The following GNPTAB variants were observed in gnomAD, a reference collection of about 807,000 sequenced individuals.
GNPTAB encodes N-acetylglucosamine-1-phosphate transferase subunits alpha and beta.
Under a neutral mutation model 136.6 loss-of-function variants are expected in GNPTAB, and 92 were observed. The ratio of observed to expected loss-of-function variants is 0.67; its 90% CI spans 0.57 to 0.80. The LOEUF (loss-of-function observed/expected upper bound fraction) is 0.80, where lower values mean the gene tolerates loss of function less well. Among genes scored for constraint, GNPTAB ranks in the 30% least tolerant of loss-of-function variants. GNPTAB has a pLI of 0.00. For missense variants in GNPTAB, 1,343 were observed against 1,501.8 expected (o/e 0.89, Z 1.75); for synonymous variants, 512 against 535.1 (o/e 0.96, Z 0.60).
At chr12:101,759,362 CAA>C (rs34183008) in intron 16 of GNPTAB, among the ~76,000 whole-genome samples, 10 of 50,886 alleles carry the variant, frequency 2.0e-4, no homozygotes, top group African/African-American at 6.4e-4. Context: ...GACTCCGTCT[CAA>C]AAAAAAAAAA....
intron 19 of GNPTAB, among the ~76,000 whole-genome samples, chr12:101,751,732 G>T (rs972156634): frequency 1.3e-5 from 2 of 152,148 alleles, no homozygotes; most frequent in African/African-American, 4.8e-5. Flanking sequence ...TAAATATCTT[G>T]CCCAGTACAG....
chr12:101,825,029 T>C (rs1871015644), intron 1 of GNPTAB, among the ~76,000 whole-genome samples: 2 of 152,220 alleles, frequency 1.3e-5, no homozygotes, highest in East Asian at 3.8e-4. Context: ...CTAAAGCTCA[T>C]GCCTCCTTGA....
intron 1 of GNPTAB, among the ~76,000 whole-genome samples, chr12:101,797,862 C>G (rs145170087): frequency 1.4e-3 from 206 of 152,272 alleles, no homozygotes; most frequent in African/African-American, 3.7e-3. Context: ...TTGCAGACAT[C>G]CAATCTCTAT....
chr12:101,794,313 T>C (rs1034562684), intron 2 of GNPTAB, among the ~76,000 whole-genome samples: 15 of 152,250 alleles, frequency 9.9e-5, no homozygotes, highest in African/African-American at 3.1e-4. Flanking sequence ...TTTACTGACA[T>C]ATGGAATGGG....
intron 7 of GNPTAB, chr12:101,779,334 C>G (rs1214212026): frequency 6.6e-6 from 1 of 152,194 alleles, no homozygotes; most frequent in South Asian, 2.1e-4. Context: ...GGGACATTCA[C>G]GATTTACAAC....
intron 10 of GNPTAB, among the ~76,000 whole-genome samples, chr12:101,768,559 A>AG (rs1466672036): frequency 6.6e-6 from 1 of 152,222 alleles, no homozygotes; most frequent in African/African-American, 2.4e-5. Flanking sequence ...AACTATCAGT[A>AG]GCTCATTAGT....
intron 5 of GNPTAB, among the ~76,000 whole-genome samples, chr12:101,783,772 T>C (rs1342286203): frequency 2.0e-5 from 3 of 151,678 alleles, no homozygotes; most frequent in Non-Finnish European, 2.9e-5. Context: ...TGGAGATCAG[T>C]GGTGCAATCT....
rs1952745473 is a variant in GNPTAB at position 101,747,158 on chromosome 12, G to C, written c.*6C>G. On this transcript the variant is annotated 3_prime_UTR_variant, in exon 21 of 21. Transcript: ENST00000299314. ...CTGAGGTAGATGGTTTTCAAATGAA[G>C]ATCTTCTATACTCTGATTCGATTGG... is the stretch of plus-strand genomic sequence containing the variant. 6.6e-7 allele frequency: 1 copy of C among 1,508,918 alleles called. No homozygotes were observed. Among genetic ancestry groups the C allele is most frequent in the Non-Finnish European group, 9.2e-7 (1 of 1,084,250 alleles). The allele number at this position is 1,508,918 out of a possible 1,614,324, so 93.5% of individuals were successfully genotyped here.
chr12:101,764,849 G>A lies in GNPTAB; in HGVS notation c.2068C>T (p.Gln690Ter). Residue 690 changes from glutamine (Q) to a stop codon, truncating the protein, a stop_gained, in exon 13 of 21, where the codon CAG (glutamine) becomes TAG (stop). Transcript: ENST00000299314. LOFTEE classifies it high-confidence loss of function. The part of the protein sequence containing the change: ...RHDVNSTRRA[Q>*]EEVKIPLVNI... The stretch of plus-strand genomic sequence containing the variant: ...ACCAGGGGAATTTTCACCTCTTCCT[G>A]GGCTCTCCTTGTTGAGTTAACATCA... 1 of 1,614,096 alleles carries A rather than the reference G, an allele frequency of 6.2e-7. No individual in the cohort carries two copies. Among genetic ancestry groups the A allele is most frequent in the South Asian group, 1.1e-5 (1 of 91,082 alleles).
At chr12:101,811,311 T>C (rs1450995417) in intron 1 of GNPTAB, among the ~76,000 whole-genome samples, 1 of 152,150 alleles carries the variant, frequency 6.6e-6, no homozygotes, top group Non-Finnish European at 1.5e-5. Flanking sequence ...AGCATGTAAA[T>C]AAATGGACAT....
chr12:101,764,890 G>A lies in GNPTAB; in HGVS notation c.2027C>T (p.Pro676Leu), dbSNP rs776317231. 9 of 1,613,938 alleles carry A rather than the reference G, an allele frequency of 5.6e-6. No individual in the cohort carries two copies. Among genetic ancestry groups the A allele is most frequent in the East Asian group, 4.5e-5 (2 of 44,896 alleles). The change falls in exon 13 of 21, where the codon CCG becomes CTG. Residue 676 changes from proline to leucine, a missense_variant. By Grantham distance (98) the Pro-to-Leu change is moderately conservative. Transcript: ENST00000299314. ...GTTAACATCATGTCTCTTAAACTTCGGGAAGCGTTTTTCTTTGGGAATATC... is the reference window on the plus strand; with the variant it reads ...GTTAACATCATGTCTCTTAAACTTCAGGAAGCGTTTTTCTTTGGGAATATC... ...FEDIPKEKRF[P>L]KFKRHDVNST...
At chr12:101,759,343 A>C (rs1333050598) in intron 16 of GNPTAB, among the ~76,000 whole-genome samples, 2 of 149,864 alleles carry the variant, frequency 1.3e-5, no homozygotes, top group Admixed American at 1.3e-4. Context: ...GGCCTGGGTG[A>C]AAGAGCGAGA....
At chr12:101,765,343 G>T (rs1381938698) in intron 12 of GNPTAB, 39 bp from the exon 13 acceptor site, 1 of 1,369,626 alleles carries the variant, frequency 7.3e-7, no homozygotes, top group Non-Finnish European at 1.0e-6. Context: ...TTTTTTAACT[G>T]GGCATTTTTC....
At chr12:101,780,369 T>C (rs1953323657) in intron 6 of GNPTAB, 83 bp from the exon 7 acceptor site, 1 of 1,411,138 alleles carries the variant, frequency 7.1e-7, no homozygotes, top group Admixed American at 1.7e-5. Flanking sequence ...GGTAAAGATC[T>C]ATTGCATCAC....
chr12:101,747,164 CTA>C lies in GNPTAB; in HGVS notation c.3769_3770del (p.Ter1257GlufsTer14), dbSNP rs1429298374. 1 of 1,542,360 alleles carries C rather than the reference CTA, an allele frequency of 6.5e-7. No homozygotes were observed. The highest frequency in any genetic ancestry group is 9.0e-7 in the Non-Finnish European group (1 of 1,114,756). Reference protein sequence around the residue: ...KEASPNRIRV* With the variant: ...KEASPNRIRVX ...TAGATGGTTTTCAAATGAAGATCTTCTATACTCTGATTCGATTGGGACTAGCT... is the reference window on the plus strand; with the variant it reads ...TAGATGGTTTTCAAATGAAGATCTTCTACTCTGATTCGATTGGGACTAGCT... On this transcript the variant is annotated frameshift_variant and stop_lost, in exon 21 of 21. Transcript: ENST00000299314. LOFTEE classifies it high-confidence loss of function.
intron 1 of GNPTAB, among the ~76,000 whole-genome samples, chr12:101,820,924 G>T (rs949592463): frequency 1.3e-5 from 2 of 152,058 alleles, no homozygotes; most frequent in Non-Finnish European, 2.9e-5. Flanking sequence ...GGGCGTGGCA[G>T]TGCAAGCCTG....
chr12:101,788,438 A>G (rs1868793135), intron 4 of GNPTAB, 110 bp downstream of exon 4: 8 of 763,692 alleles, frequency 1.0e-5, no homozygotes, highest in Non-Finnish European at 1.6e-5. Flanking sequence ...GTCAAAAACT[A>G]TATGGATAAT....
At chr12:101,784,790 T>C (rs1255214844) in intron 5 of GNPTAB, among the ~76,000 whole-genome samples, 1 of 151,936 alleles carries the variant, frequency 6.6e-6, no homozygotes, top group Non-Finnish European at 1.5e-5. Flanking sequence ...ATGACACTGA[T>C]AGAATGGGAG....
chr12:101,758,240 T>C (rs566912067), intron 16 of GNPTAB, among the ~76,000 whole-genome samples: 6 of 152,324 alleles, frequency 3.9e-5, no homozygotes, highest in African/African-American at 7.2e-5. Context: ...GGTTTCACCA[T>C]GTTAGCTAGG....
Sources: allele counts gnomAD v4.1 joint callset (sites outside exome capture counted in the v4.1 genomes callset), GRCh38; gene constraint gnomAD v4.1.1; transcripts MANE v1.5; gene names NCBI Gene and HGNC (gene_info 2026-07-23, HGNC 2026-07-21).